The following RBM19 variants were observed in gnomAD, a reference collection of about 807,000 sequenced individuals.
The protein encoded by RBM19 is probable RNA-binding protein 19.
RBM19 carries 94 observed loss-of-function variants against 116.8 expected under a neutral mutation model. The observed-to-expected ratio is 0.80, with a 90% CI of 0.68 to 0.95. RBM19 has a LOEUF of 0.95. RBM19 is among the 40% of genes least tolerant of loss of function. The pLI is 0.00. For synonymous variants in RBM19, 475 were observed against 494.1 expected, an observed-to-expected ratio of 0.96 and a Z score of 0.51; for missense variants, 1,161 against 1,220.7, an observed-to-expected ratio of 0.95 and a Z score of 0.73.
chr12:113,877,214 C>G (rs566748176), intron 21 of RBM19, among the ~76,000 whole-genome samples: 1 of 152,348 alleles, frequency 6.6e-6, no homozygotes, highest in South Asian at 2.1e-4. Context: ...TCTGATACAC[C>G]AGTGACCACT....
chr12:113,934,744 T>C (rs1454914634), intron 16 of RBM19, among the ~76,000 whole-genome samples: 9 of 152,288 alleles, frequency 5.9e-5, no homozygotes, highest in East Asian at 1.9e-4. Context: ...CTCTATTATT[T>C]TGATTGATGG....
In RBM19 at chr12:113,834,364, C is replaced by T. The variant is rs188281500; in HGVS notation, c.2785+10304G>A. The stretch of plus-strand genomic sequence containing the variant: ...CACTGGGGGTGCAGTTATGAGGCCT[C>T]TAGAGTTATATGCTCTGAGAAAGTG... On this transcript the variant is annotated intron_variant, in intron 23 of 23. Transcript: ENST00000261741. Among the ~76,000 whole-genome samples, 2 of 152,284 alleles carry T rather than the reference C, an allele frequency of 1.3e-5. 1 individual carries two copies. Among genetic ancestry groups the T allele is most frequent in the Admixed American group, 1.3e-4 (2 of 15,296 alleles).
chr12:113,957,554 G>C (rs954848080), intron 6 of RBM19, among the ~76,000 whole-genome samples: 3 of 150,330 alleles, frequency 2.0e-5, no homozygotes, highest in African/African-American at 7.3e-5. Context: ...GTGACAGAGT[G>C]AGACTCTGTC....
chr12:113,954,647 C>A (rs74237694), intron 7 of RBM19, among the ~76,000 whole-genome samples: 1 of 152,324 alleles, frequency 6.6e-6, no homozygotes, highest in African/African-American at 2.4e-5. Flanking sequence ...TCACGAAGAA[C>A]GAAAATTAAG....
At chr12:113,899,213 T>C (rs1881526242) in intron 21 of RBM19, among the ~76,000 whole-genome samples, 1 of 152,184 alleles carries the variant, frequency 6.6e-6, no homozygotes, top group Admixed American at 6.5e-5. Context: ...ATCAGAAAGG[T>C]TAGGTGACTT....
At chr12:113,832,871 C>G (rs924555239) in intron 23 of RBM19, among the ~76,000 whole-genome samples, 1 of 152,114 alleles carries the variant, frequency 6.6e-6, no homozygotes, top group Admixed American at 6.5e-5. Context: ...TCAAGGTGGC[C>G]TATTCGCAAA....
intron 2 of RBM19, among the ~76,000 whole-genome samples, chr12:113,960,765 A>C (rs1000245522): frequency 6.6e-6 from 1 of 152,154 alleles, no homozygotes; most frequent in Non-Finnish European, 1.5e-5. Flanking sequence ...AATTATCATA[A>C]AGTAAGCTCA....
chr12:113,922,204 C>T (rs1298856447), intron 18 of RBM19, among the ~76,000 whole-genome samples: 1 of 152,192 alleles, frequency 6.6e-6, no homozygotes, highest in African/African-American at 2.4e-5. Context: ...TCCTGTAGAG[C>T]CCACTTCCTG....
chr12:113,893,646 C>T (rs1881108405), intron 21 of RBM19, among the ~76,000 whole-genome samples: 1 of 152,140 alleles, frequency 6.6e-6, no homozygotes. Flanking sequence ...TCCACATTTC[C>T]AATTATTTCT....
chr12:113,884,128 C>CAAAAAAAA (rs1565995844), intron 21 of RBM19, among the ~76,000 whole-genome samples: 3 of 94,092 alleles, frequency 3.2e-5, no homozygotes, highest in Non-Finnish European at 4.6e-5. Context: ...AAAAAAAAAA[C>CAAAAAAAA]AAAAAACTCG....
chr12:113,874,823 TG>T (rs1381990692), intron 21 of RBM19, among the ~76,000 whole-genome samples: 1 of 152,150 alleles, frequency 6.6e-6, no homozygotes, highest in Non-Finnish European at 1.5e-5. Flanking sequence ...CCCATCCTCT[TG>T]GCAAAAGGCC....
rs150440388 is a variant in RBM19, at chr12:113,917,521, A to G, written c.2441+871T>C. 5.3e-5 allele frequency among the ~76,000 whole-genome samples: 8 copies of G among 152,306 alleles called. No individual in the cohort carries two copies. The East Asian group carries it at 1.2e-3, about 22-fold the overall frequency. On this transcript the variant is annotated intron_variant, in intron 20 of 23. Transcript: ENST00000261741. ...GATGCTTAACATAGCACAGACCACA[A>G]TGGGTGAAAAACACCAGAGCTGGCC...
intron 23 of RBM19, among the ~76,000 whole-genome samples, chr12:113,842,530 G>T (rs1178257878): frequency 5.3e-5 from 8 of 152,244 alleles, no homozygotes; most frequent in Non-Finnish European, 1.2e-4. Flanking sequence ...CTGAGACTGG[G>T]AGCCTGGCAT....
intron 21 of RBM19, among the ~76,000 whole-genome samples, chr12:113,890,283 G>A (rs964755940): frequency 2.6e-5 from 4 of 152,318 alleles, no homozygotes; most frequent in Admixed American, 2.0e-4. Context: ...AGTGGCCGGG[G>A]TGTTTTCCCT....
chr12:113,841,771 C>A (rs1300361568), intron 23 of RBM19, among the ~76,000 whole-genome samples: 3 of 152,090 alleles, frequency 2.0e-5, no homozygotes, highest in African/African-American at 7.2e-5. Context: ...ATAGTTGGGG[C>A]CAGTGGGTGG....
chr12:113,863,246 G>A (rs985781710), intron 21 of RBM19, among the ~76,000 whole-genome samples: 4 of 150,900 alleles, frequency 2.7e-5, no homozygotes, highest in Non-Finnish European at 5.9e-5. Flanking sequence ...TGGGGCCAGC[G>A]TATGGGTGGG....
At chr12:113,946,602 G>A in intron 11 of RBM19, 127 bp from the exon 12 acceptor site, 1 of 1,298,208 alleles carries the variant, frequency 7.7e-7, no homozygotes, top group Non-Finnish European at 1.1e-6. Flanking sequence ...CAGAGGGTGG[G>A]AGGGAGGTCA....
At chr12:113,920,750 A>G in intron 18 of RBM19, 60 bp from the exon 19 acceptor site, 1 of 1,494,698 alleles carries the variant, frequency 6.7e-7, no homozygotes, top group Non-Finnish European at 9.3e-7. Flanking sequence ...GGCCAAGTGC[A>G]AGGGCTGTGA....
At chr12:113,920,219 C>T (rs1483876808) in intron 19 of RBM19, among the ~76,000 whole-genome samples, 3 of 152,156 alleles carry the variant, frequency 2.0e-5, no homozygotes, top group Non-Finnish European at 4.4e-5. Context: ...CCTGACCACA[C>T]AGCCTAAGTG....
Sources: allele counts gnomAD v4.1 joint callset (sites outside exome capture counted in the v4.1 genomes callset), GRCh38; gene constraint gnomAD v4.1.1; transcripts MANE v1.5; gene names NCBI Gene and HGNC (gene_info 2026-07-23, HGNC 2026-07-21).